The following ZNF578 variants were observed in gnomAD, a reference collection of about 807,000 sequenced individuals.
The protein encoded by ZNF578 is Putative chemokine-related protein B42.
A neutral mutation model predicts 8.3 loss-of-function variants in ZNF578; 8 were observed. The ratio of observed to expected loss-of-function variants is 0.96; its 90% CI spans 0.56 to 1.74. The LOEUF (loss-of-function observed/expected upper bound fraction) is 1.74. ZNF578 is among the 40% of genes most tolerant of loss of function. ZNF578 has a pLI of 0.00. For missense variants in ZNF578, 726 were observed against 707.5 expected, an observed-to-expected ratio of 1.03 and a Z score of -0.30; for synonymous variants, 206 against 232.2, an observed-to-expected ratio of 0.89 and a Z score of 1.03.
chr19:52,483,749 G>T (rs945429181), intron 2 of ZNF578, among the ~76,000 whole-genome samples: 2 of 152,174 alleles, frequency 1.3e-5, no homozygotes, highest in Non-Finnish European at 2.9e-5. Context: ...CTATTGCCTG[G>T]TGTTATGTAA....
At chr19:52,462,203 G>A (rs2059260619) in intron 2 of ZNF578, among the ~76,000 whole-genome samples, 1 of 152,190 alleles carries the variant, frequency 6.6e-6, no homozygotes, top group Non-Finnish European at 1.5e-5. Flanking sequence ...ACCGAACTCT[G>A]TGAATGAGCC....
chr19:52,510,515 C>G, intron 5 of ZNF578, 57 bp from the exon 6 acceptor site: 1 of 1,473,084 alleles, frequency 6.8e-7, no homozygotes, highest in Non-Finnish European at 9.0e-7. Flanking sequence ...TTACACACTT[C>G]AGTATGATTT....
intron 2 of ZNF578, among the ~76,000 whole-genome samples, chr19:52,476,139 C>T (rs1345161337): frequency 6.6e-6 from 1 of 151,890 alleles, no homozygotes; most frequent in African/African-American, 2.4e-5. Context: ...AGATCTATTA[C>T]TACAAGAGGC....
intron 5 of ZNF578, among the ~76,000 whole-genome samples, chr19:52,507,920 A>G (rs1420941093): frequency 5.3e-5 from 8 of 152,032 alleles, no homozygotes; most frequent in Non-Finnish European, 1.0e-4. Context: ...GTGGTGGCAC[A>G]TGCCTGTAAT....
intron 2 of ZNF578, chr19:52,473,717 C>G: frequency 4.0e-6 from 1 of 249,400 alleles, no homozygotes; most frequent in African/African-American, 2.3e-5. Flanking sequence ...GTCCTTATCA[C>G]ATTCCTTACA....
At chr19:52,485,510 TGATCCACA>T (rs1202167066) in intron 2 of ZNF578, among the ~76,000 whole-genome samples, 1 of 152,212 alleles carries the variant, frequency 6.6e-6, no homozygotes, top group Non-Finnish European at 1.5e-5. Flanking sequence ...GCTCAGCCTG[TGATCCACA>T]GAGAGTTGAG....
At chr19:52,482,164 G>T (rs34204298) in intron 2 of ZNF578, among the ~76,000 whole-genome samples, 89,883 of 151,970 alleles carry the variant, frequency 0.59, 27,988 homozygotes, top group East Asian at 0.82. Flanking sequence ...CTCCGGAGTA[G>T]CTGGGATTAC....
chr19:52,499,664 T>C (rs73583043), intron 3 of ZNF578, among the ~76,000 whole-genome samples: 2,755 of 150,124 alleles, frequency 0.018, 94 homozygotes, highest in African/African-American at 0.064. Context: ...GTGAAAAGAG[T>C]GAGAAGATAC....
intron 5 of ZNF578, 54 bp downstream of exon 5, chr19:52,504,835 C>G: frequency 6.2e-7 from 1 of 1,600,144 alleles, no homozygotes; most frequent in South Asian, 1.1e-5. Context: ...TGTCTTGGCT[C>G]TTCCTGGTTT....
rs140589801 is a variant in ZNF578 at position 52,515,668 on chromosome 19, G to C, written c.*3514G>C. On this transcript the variant is annotated 3_prime_UTR_variant, in exon 6 of 6. Coordinates refer to ENST00000421239, the MANE Select transcript of ZNF578 (RefSeq NM_001099694.2). ...GCGACGAGGGGCTTGACCAGAAAAGGTCAACCCGAGTGTCCCTGACCGTTG... is the reference window on the plus strand; with the variant it reads ...GCGACGAGGGGCTTGACCAGAAAAGCTCAACCCGAGTGTCCCTGACCGTTG... Among the ~76,000 whole-genome samples, 571 of 151,820 alleles carry C rather than the reference G, an allele frequency of 3.8e-3. 3 individuals are homozygous for C. Among genetic ancestry groups the C allele is most frequent in the East Asian group, 0.022 (115 of 5,112 alleles).
At chr19:52,490,171 G>A (rs1010038486) in intron 2 of ZNF578, among the ~76,000 whole-genome samples, 4 of 151,506 alleles carry the variant, frequency 2.6e-5, no homozygotes, top group Non-Finnish European at 4.4e-5. Context: ...TATATTTTAC[G>A]CACAGTTCAC....
At chr19:52,496,111 C>T (rs149696608) in intron 3 of ZNF578, among the ~76,000 whole-genome samples, 299 of 151,868 alleles carry the variant, frequency 2.0e-3, no homozygotes, top group African/African-American at 6.8e-3. Context: ...CCTCTGCCTC[C>T]CGGGTTCAAG....
Position 52,512,078 on chromosome 19 carries a change from C to G in ZNF578, c.1697C>G (p.Pro566Arg), listed in dbSNP as rs775474337. Residue 566 changes from proline to arginine, a missense_variant, in exon 6 of 6, where the codon CCT (proline) becomes CGT (arginine). Coordinates refer to ENST00000421239, the MANE Select transcript of ZNF578 (RefSeq NM_001099694.2). ...ACTAGAATTCATAGCGGAGAGAAACCTTACAAGTGTAATGAGTGTGGTAAG... is the reference window on the plus strand; with the variant it reads ...ACTAGAATTCATAGCGGAGAGAAACGTTACAAGTGTAATGAGTGTGGTAAG... Reference protein sequence around the residue: ...NHTRIHSGEKPYKCNECGKAH... With the variant: ...NHTRIHSGEKRYKCNECGKAH... 2 of 1,613,564 alleles carry G rather than the reference C, an allele frequency of 1.2e-6. No homozygotes were observed. The highest frequency in any genetic ancestry group is 1.7e-6 in the Non-Finnish European group (2 of 1,179,948).
chr19:52,512,296 C>T lies in ZNF578; in HGVS notation c.*142C>T, dbSNP rs1246889685. ...ATGAGTGTGGCAAAGCCTTTAGTGA[C>T]CAGTCAACACTTACCATCAGGCCAT... On this transcript the variant is annotated 3_prime_UTR_variant, in exon 6 of 6. Transcript: ENST00000421239. 6.4e-7 allele frequency: 1 copy of T among 1,556,378 alleles called. No individual in the cohort carries two copies.
At position 52,500,011 on chromosome 19, in the gene ZNF578, T is replaced by C. The variant is rs432271; in HGVS notation, c.-19-1816T>C. Among the ~76,000 whole-genome samples, 55 of 152,270 alleles carry C rather than the reference T, an allele frequency of 3.6e-4. 1 individual carries two copies. The East Asian group carries it at 7.3e-3, about 20-fold the overall frequency. ...CTGAGGTTGCTCCTGTCTCAGGGCC[T>C]TCACTTGAGCTGTCCCTCTCTCTAG... On this transcript the variant is annotated intron_variant, in intron 3 of 5. Transcript: ENST00000421239.
At chr19:52,500,680 G>T (rs1204559613) in intron 3 of ZNF578, among the ~76,000 whole-genome samples, 2 of 151,994 alleles carry the variant, frequency 1.3e-5, no homozygotes, top group Admixed American at 1.3e-4. Flanking sequence ...ACTATGCTGG[G>T]TCTTTCTTTT....
At position 52,511,728 on chromosome 19, in the gene ZNF578, T is replaced by C. The variant is rs747732066; in HGVS notation, c.1347T>C (p.His449=). The C allele has an allele frequency of 3.1e-6, 5 of 1,613,578 alleles. No individual in the cohort carries two copies. Among genetic ancestry groups the C allele is most frequent in the Non-Finnish European group, 4.2e-6 (5 of 1,179,934 alleles). Residue 449 remains histidine, a synonymous_variant, in exon 6 of 6, where the codon CAT becomes CAC. Coordinates refer to ENST00000421239, the MANE Select transcript of ZNF578 (RefSeq NM_001099694.2). ...GCCTTGCACGTCATCATAGACTTCA[T>C]ACTGGAGAGAAATCTTACAAATGTG... The part of the protein sequence containing the change: ...QSSLARHHRL[H]TGEKSYKCEE...
rs1177220072 is a variant in ZNF578 at position 52,510,939 on chromosome 19, T to A, written c.558T>A (p.Asp186Glu). 6.2e-6 allele frequency: 10 copies of A among 1,614,094 alleles called. No individual in the cohort carries two copies. Among genetic ancestry groups the A allele is most frequent in the Non-Finnish European group, 6.8e-6 (8 of 1,180,046 alleles). ...IANQVEKSVN[D>E]ASSISTSQRI... ...ATCAAGTGGAGAAGTCTGTCAACGA[T>A]GCTTCCTCAATTTCAACATCCCAAA... Residue 186 changes from aspartate to glutamate, a missense_variant, in exon 6 of 6, where the codon GAT (aspartate) becomes GAA (glutamate). Physicochemically the swap from Asp to Glu is conservative, Grantham distance 45. Coordinates refer to ENST00000421239, the MANE Select transcript of ZNF578 (RefSeq NM_001099694.2).
intron 3 of ZNF578, among the ~76,000 whole-genome samples, chr19:52,499,765 A>G (rs1306640825): frequency 6.7e-6 from 1 of 149,186 alleles, no homozygotes; most frequent in East Asian, 1.9e-4. Context: ...AGCTCACTGC[A>G]ACCTCTGTCT....
Sources: allele counts gnomAD v4.1 joint callset (sites outside exome capture counted in the v4.1 genomes callset), GRCh38; gene constraint gnomAD v4.1.1; transcripts MANE v1.5; gene names NCBI Gene and HGNC (gene_info 2026-07-23, HGNC 2026-07-21).